Variants in CACNA2D3 observed in about 807,000 individuals in gnomAD.
CACNA2D3 encodes calcium voltage-gated channel auxiliary subunit alpha2delta 3.
In CACNA2D3, 60 loss-of-function variants were observed where a neutral mutation model predicts 160.6. The observed-to-expected ratio is 0.37, with a 90% CI of 0.30 to 0.46. CACNA2D3 has a LOEUF of 0.46. Ranked by LOEUF, CACNA2D3 falls within the 20% of genes least tolerant of loss-of-function variation. The probability of loss-of-function intolerance (pLI) is 1.00; values close to 1 mark genes in which losing one functional copy is unlikely to be tolerated. For synonymous variants in CACNA2D3, 558 were observed against 492.9 expected, an observed-to-expected ratio of 1.13 and a Z score of -1.75; for missense variants, 1,205 against 1,365.0, an observed-to-expected ratio of 0.88 and a Z score of 1.85.
intron 2 of CACNA2D3, among the ~76,000 whole-genome samples, chr3:54,130,374 C>T (rs928386658): frequency 6.6e-6 from 1 of 152,150 alleles, no homozygotes; most frequent in Admixed American, 6.5e-5. Context: ...TTTGGAGATG[C>T]TGTGTTGTTA....
chr3:54,733,109 C>T (rs1559562448), intron 11 of CACNA2D3, among the ~76,000 whole-genome samples: 2 of 152,188 alleles, frequency 1.3e-5, no homozygotes, highest in South Asian at 2.1e-4. Context: ...GGGACACTTG[C>T]ACTTTGAGGG....
chr3:54,211,490 T>C (rs1577001586), intron 2 of CACNA2D3, among the ~76,000 whole-genome samples: 1 of 152,224 alleles, frequency 6.6e-6, no homozygotes, highest in East Asian at 1.9e-4. Context: ...TGTGTGCTGG[T>C]AATTTTGATA....
Position 54,752,652 on chromosome 3 carries a change from A to C in CACNA2D3, c.1221A>C (p.Leu407=). 1 of 1,613,300 alleles carries C rather than the reference A, an allele frequency of 6.2e-7. No homozygotes were observed. The change falls in exon 12 of 38, where the codon CTA becomes CTC. Residue 407 remains leucine, a synonymous_variant. Transcript: ENST00000474759. ...GAGAGGCTGCGTTTGCAGACAATCT[A>C]AAGTGGATGGCCTGTGCCAACAAAG... The part of the protein sequence containing the change: ...IGREAAFADN[L]KWMACANKGF...
At chr3:54,180,805 C>T (rs1700769003) in intron 2 of CACNA2D3, among the ~76,000 whole-genome samples, 1 of 152,192 alleles carries the variant, frequency 6.6e-6, no homozygotes, top group Admixed American at 6.5e-5. Context: ...GGGCATATTG[C>T]ATGCACTAAG....
intron 2 of CACNA2D3, among the ~76,000 whole-genome samples, chr3:54,280,506 G>T (rs995594802): frequency 6.6e-6 from 1 of 151,912 alleles, no homozygotes; most frequent in Admixed American, 6.6e-5. Flanking sequence ...TGTAGTGTAG[G>T]GGGGACAGAA....
intron 34 of CACNA2D3, among the ~76,000 whole-genome samples, chr3:55,016,189 A>G (rs563911066): frequency 1.3e-5 from 2 of 152,286 alleles, no homozygotes; most frequent in South Asian, 4.2e-4. Flanking sequence ...TGTAGTCAGG[A>G]GTCAGAGAGG....
chr3:54,611,842 TG>T (rs1165334030), intron 9 of CACNA2D3, among the ~76,000 whole-genome samples: 3 of 152,254 alleles, frequency 2.0e-5, no homozygotes, highest in African/African-American at 7.2e-5. Context: ...ATTGGAGTTA[TG>T]TGGCATTTTC....
intron 4 of CACNA2D3, among the ~76,000 whole-genome samples, chr3:54,477,780 A>T (rs1404313310): frequency 6.6e-6 from 1 of 152,086 alleles, no homozygotes; most frequent in Non-Finnish European, 1.5e-5. Flanking sequence ...TGGACTTCAC[A>T]TTTGACCCTC....
chr3:54,372,277 T>C (rs1306280295), intron 3 of CACNA2D3, among the ~76,000 whole-genome samples: 3 of 152,206 alleles, frequency 2.0e-5, no homozygotes, highest in Non-Finnish European at 4.4e-5. Flanking sequence ...AGTGGCGTTT[T>C]TGTTGGGTTT....
chr3:55,016,101 G>A (rs1172851199), intron 34 of CACNA2D3, among the ~76,000 whole-genome samples: 1 of 152,158 alleles, frequency 6.6e-6, no homozygotes, highest in African/African-American at 2.4e-5. Context: ...CCTCCAATGA[G>A]CTAGCATCTT....
At chr3:55,037,438 C>G (rs908583801) in intron 35 of CACNA2D3, among the ~76,000 whole-genome samples, 3 of 152,176 alleles carry the variant, frequency 2.0e-5, no homozygotes, top group African/African-American at 4.8e-5. Context: ...AACCAACTCC[C>G]TCAGACATCA....
intron 4 of CACNA2D3, among the ~76,000 whole-genome samples, chr3:54,453,101 C>A (rs1414205582): frequency 6.6e-6 from 1 of 152,106 alleles, no homozygotes. Flanking sequence ...AAGCAGTCTC[C>A]CTACCTCAGC....
chr3:54,370,158 T>C (rs1030007539), intron 3 of CACNA2D3, among the ~76,000 whole-genome samples: 1 of 152,206 alleles, frequency 6.6e-6, no homozygotes, highest in African/African-American at 2.4e-5. Context: ...TTTTCTCCAT[T>C]TGGTATTTAT....
intron 2 of CACNA2D3, among the ~76,000 whole-genome samples, chr3:54,288,343 G>A (rs945901859): frequency 4.6e-5 from 7 of 152,166 alleles, no homozygotes; most frequent in African/African-American, 9.6e-5. Context: ...TAAATTCCTC[G>A]ACACATACAC....
chr3:55,074,314 C>A lies in CACNA2D3; in HGVS notation c.*108C>A. The A allele has an allele frequency of 2.4e-6, 2 of 847,748 alleles. No individual in the cohort carries two copies. Among genetic ancestry groups the A allele is most frequent in the South Asian group, 1.4e-5 (1 of 70,774 alleles). 52.5% of individuals were successfully genotyped at this position (847,748 alleles called of 1,614,324 possible). On this transcript the variant is annotated 3_prime_UTR_variant, in exon 38 of 38. Transcript: ENST00000474759. ...GCAACATACGAGACATGAATATAGT[C>A]CAACCATCAGCATCTCATCATGATT... is the stretch of plus-strand genomic sequence containing the variant.
At chr3:54,543,668 G>A (rs964673633) in intron 5 of CACNA2D3, among the ~76,000 whole-genome samples, 3 of 152,212 alleles carry the variant, frequency 2.0e-5, no homozygotes, top group Non-Finnish European at 2.9e-5. Context: ...TGGTGGTCCT[G>A]TCAGGCTAGA....
At chr3:54,530,078 G>A (rs1466057940) in intron 5 of CACNA2D3, among the ~76,000 whole-genome samples, 1 of 152,182 alleles carries the variant, frequency 6.6e-6, no homozygotes, top group Non-Finnish European at 1.5e-5. Context: ...CCAGGTCAAA[G>A]TCGTGGGGGA....
chr3:54,727,261 A>G (rs1701294961), intron 11 of CACNA2D3, among the ~76,000 whole-genome samples: 1 of 152,144 alleles, frequency 6.6e-6, no homozygotes, highest in Non-Finnish European at 1.5e-5. Context: ...GAAACAACAG[A>G]TGTGGGAGAG....
At chr3:54,280,422 CT>C (rs1277443897) in intron 2 of CACNA2D3, among the ~76,000 whole-genome samples, 4 of 152,244 alleles carry the variant, frequency 2.6e-5, no homozygotes, top group African/African-American at 9.6e-5. Context: ...ACCTATGAGT[CT>C]TGGACCCAAG....
Sources: gnomAD v4.1 joint callset for allele counts (sites outside exome capture counted in the v4.1 genomes callset) on GRCh38, gnomAD v4.1.1 for gene constraint, MANE v1.5 for transcripts, NCBI Gene and HGNC (gene_info 2026-07-23, HGNC 2026-07-21) for gene names.